OPHN1: variants seen among roughly 807,000 people sequenced by gnomAD.
OPHN1 encodes oligophrenin-1.
Under a neutral mutation model 60.7 loss-of-function variants are expected in OPHN1, and 11 were observed. The ratio of observed to expected loss-of-function variants is 0.18; its 90% CI spans 0.11 to 0.30. The LOEUF is 0.30. Ranked by LOEUF, OPHN1 falls within the 10% of genes least tolerant of loss-of-function variation. OPHN1 has a pLI of 1.00. For missense variants in OPHN1, 449 were observed against 611.0 expected (o/e 0.73, Z 2.80); for synonymous variants, 226 against 222.6 (o/e 1.02, Z -0.14).
intron 2 of OPHN1, among the ~76,000 whole-genome samples, chrX:68,399,472 G>A (rs1029826954): frequency 9.0e-5 from 10 of 111,458 alleles, no homozygotes; most frequent in East Asian, 8.5e-4. Flanking sequence ...CCAACATGGC[G>A]AAACCCCGTC....
Position 68,239,235 on chromosome X carries a change from C to CTGGCATCTG in OPHN1, c.385-4648_385-4647insCAGATGCCA, listed in dbSNP as rs769452590. ...AACTGCTGGTGTCTGCCGGTGTCCT[C>CTGGCATCTG]CTGGTGTCTGCCGGTGTCCTCCTGG... On this transcript the variant is annotated intron_variant, in intron 5 of 24. Coordinates refer to ENST00000355520, the MANE Select transcript of OPHN1 (RefSeq NM_002547.3). 0.021 allele frequency among the ~76,000 whole-genome samples: 151 copies of CTGGCATCTG among 7,175 alleles called. No individual in the cohort carries two copies. In the East Asian group the frequency reaches 0.31, roughly 15 times the overall value. 6.2% of individuals were successfully genotyped at this position (7,175 alleles called of 115,157 possible).
intron 15 of OPHN1, among the ~76,000 whole-genome samples, chrX:68,123,298 A>C (rs753363339): frequency 1.8e-5 from 2 of 112,024 alleles, no homozygotes; most frequent in Non-Finnish European, 3.8e-5. Context: ...AGATTTCATC[A>C]ATAGCAGATC....
rs1168765295 is a variant in OPHN1 at position 68,045,448 on chromosome X, ACT to A, written c.*1722_*1723del. 2 of 111,529 alleles carry A rather than the reference ACT, an allele frequency of 1.8e-5. No homozygotes were observed. The highest frequency in any genetic ancestry group is 3.8e-5 in the Non-Finnish European group (2 of 53,089). 9.2% of individuals were successfully genotyped at this position (111,529 alleles called of 1,213,427 possible). On this transcript the variant is annotated 3_prime_UTR_variant, in exon 25 of 25. Transcript: ENST00000355520. Reference sequence around the variant, plus strand: ...TTTGCACATGAGTGTGCATGTACTCACTCTCTATCTCTTTATCTAGGTTTATC... The same window carrying A: ...TTTGCACATGAGTGTGCATGTACTCACTCTATCTCTTTATCTAGGTTTATC...
At chrX:68,343,696 A>C (rs1195865560) in intron 2 of OPHN1, among the ~76,000 whole-genome samples, 1 of 111,156 alleles carries the variant, frequency 9.0e-6, no homozygotes, top group African/African-American at 3.3e-5. Flanking sequence ...ATGAAAAAAA[A>C]AAGGTTGTGA....
intron 6 of OPHN1, among the ~76,000 whole-genome samples, chrX:68,230,329 G>A (rs188368709): frequency 2.5e-3 from 280 of 111,754 alleles, no homozygotes; most frequent in Admixed American, 5.9e-3. Context: ...GTGTAAACTA[G>A]TTCAACCATT....
intron 4 of OPHN1, among the ~76,000 whole-genome samples, chrX:68,276,456 C>A (rs2077992189): frequency 9.0e-6 from 1 of 111,597 alleles, no homozygotes. Context: ...CTTAGGAAAT[C>A]AAAGCTCCAC....
chrX:68,265,698 GAGA>G (rs1252991412), intron 5 of OPHN1, among the ~76,000 whole-genome samples: 1 of 111,883 alleles, frequency 8.9e-6, no homozygotes, highest in Non-Finnish European at 1.9e-5. Flanking sequence ...GACGAGTTGA[GAGA>G]AGAAGGCTTC....
intron 15 of OPHN1, among the ~76,000 whole-genome samples, chrX:68,125,828 C>A (rs1245181380): frequency 9.9e-6 from 1 of 101,296 alleles, no homozygotes; most frequent in African/African-American, 3.6e-5. Context: ...TCCAAACTCA[C>A]TCTACGAGGC....
At chrX:68,216,040 T>A (rs944653307) in intron 6 of OPHN1, among the ~76,000 whole-genome samples, 4 of 111,800 alleles carry the variant, frequency 3.6e-5, no homozygotes, top group African/African-American at 9.7e-5. Flanking sequence ...TAATGATACA[T>A]TTGGTGATTG....
Position 68,063,878 on chromosome X carries a change from G to A in OPHN1, c.2134C>T (p.Arg712Trp), listed in dbSNP as rs1247929748. The A allele has an allele frequency of 1.0e-5, 12 of 1,170,763 alleles. No individual in the cohort carries two copies. The highest frequency in any genetic ancestry group is 2.5e-4 in the Middle Eastern group (1 of 4,046). ...CCCTCCTTGTGGTGGGCCAGGGGCC[G>A]GGGAGCTGGTCTCTTTATGTGGAAA... ...PSFHIKRPAP[R>W]PLAHHKEGDA... The change falls in exon 21 of 25, where the codon CGG (arginine) becomes TGG (tryptophan). Residue 712 changes from arginine (R) to tryptophan (W), a missense_variant. Arg to Trp is a moderately radical substitution (Grantham distance 101, BLOSUM62 -3). This residue lies in a region of OPHN1 where 184 missense variants were observed against 160.5 expected (regional missense o/e 1.15). Coordinates refer to ENST00000355520, the MANE Select transcript of OPHN1 (RefSeq NM_002547.3).
chrX:68,416,067 TAGAGAGAGAG>T (rs1171250178), intron 2 of OPHN1, among the ~76,000 whole-genome samples: 129 of 8,183 alleles, frequency 0.016, no homozygotes, highest in African/African-American at 0.025. Context: ...TATATATATA[TAGAGAGAGAG>T]AGAGAGAGAG....
intron 6 of OPHN1, among the ~76,000 whole-genome samples, chrX:68,226,733 C>T (rs994166354): frequency 9.0e-6 from 1 of 111,371 alleles, no homozygotes. Flanking sequence ...AAAGGAAGCA[C>T]TAAACATGGA....
intron 5 of OPHN1, among the ~76,000 whole-genome samples, chrX:68,243,280 T>G (rs2147535558): frequency 9.0e-6 from 1 of 111,260 alleles, no homozygotes; most frequent in East Asian, 2.8e-4. Flanking sequence ...GATAAAAGGG[T>G]TTTGGAAATA....
intron 2 of OPHN1, among the ~76,000 whole-genome samples, chrX:68,363,945 T>C (rs891639121): frequency 5.4e-5 from 6 of 111,294 alleles, no homozygotes; most frequent in Non-Finnish European, 9.4e-5. Context: ...TTTGTGTATG[T>C]TTGAAATTTT....
Position 68,287,119 on chromosome X carries a change from AAG to A in OPHN1, c.251-4004_251-4003del, listed in dbSNP as rs1234888887. ...GAAAAAGAAAGGAAGAAAAAAAAGA[AAG>A]AGAGAGAGAAAGGAAGGAAGGAAGG... On this transcript the variant is annotated intron_variant, in intron 3 of 24. Transcript: ENST00000355520. Among the ~76,000 whole-genome samples, 413 of 99,361 alleles carry A rather than the reference AAG, an allele frequency of 4.2e-3. 5 individuals carry two copies. The highest frequency in any genetic ancestry group is 0.014 in the African/African-American group (380 of 26,759). 86.3% of individuals were successfully genotyped at this position (99,361 alleles called of 115,157 possible). A position where few individuals can be genotyped will look rare whatever the true frequency, so the allele number is the denominator to read the frequency against.
At chrX:68,098,651 C>T (rs2077046612) in intron 18 of OPHN1, among the ~76,000 whole-genome samples, 1 of 111,737 alleles carries the variant, frequency 8.9e-6, no homozygotes, top group South Asian at 3.8e-4. Context: ...GTGATGTGTT[C>T]CTTTTAACAG....
chrX:68,344,662 C>A (rs2078370569), intron 2 of OPHN1, among the ~76,000 whole-genome samples: 1 of 110,750 alleles, frequency 9.0e-6, no homozygotes, highest in Non-Finnish European at 1.9e-5. Flanking sequence ...AGCGCTTGAA[C>A]CCAGGAGTTC....
intron 2 of OPHN1, among the ~76,000 whole-genome samples, chrX:68,311,028 G>A (rs958925261): frequency 4.5e-5 from 5 of 112,281 alleles, no homozygotes; most frequent in Non-Finnish European, 9.4e-5. Flanking sequence ...GCCAAGGCAA[G>A]CAGACTGCTT....
At chrX:68,417,866 C>T (rs1400608828) in intron 2 of OPHN1, among the ~76,000 whole-genome samples, 1 of 112,534 alleles carries the variant, frequency 8.9e-6, no homozygotes, top group Non-Finnish European at 1.9e-5. Flanking sequence ...GCCAAGCAAC[C>T]GCCTCCTTGC....
Sources: allele counts gnomAD v4.1 joint callset (sites outside exome capture counted in the v4.1 genomes callset), GRCh38; gene constraint gnomAD v4.1.1; regional missense constraint gnomAD v4.1.1; transcripts MANE v1.5; gene names NCBI Gene and HGNC (gene_info 2026-07-23, HGNC 2026-07-21).